The following DBR1 variants were observed in gnomAD, a reference collection of about 807,000 sequenced individuals.
The protein encoded by DBR1 is debranching RNA lariats 1.
A neutral mutation model predicts 45.9 loss-of-function variants in DBR1; 33 were observed. The ratio of observed to expected loss-of-function variants is 0.72; its 90% CI spans 0.55 to 0.96. The LOEUF (loss-of-function observed/expected upper bound fraction) is 0.96, where lower values mean the gene tolerates loss of function less well. Ranked by LOEUF, DBR1 falls within the 40% of genes least tolerant of loss-of-function variation. DBR1 has a pLI of 0.00. For missense variants in DBR1, 619 were observed against 667.4 expected (o/e 0.93, Z 0.80); for synonymous variants, 235 against 235.9 (o/e 1.00, Z 0.04).
intron 4 of DBR1, among the ~76,000 whole-genome samples, chr3:138,169,877 G>C (rs555053926): frequency 9.2e-5 from 14 of 151,994 alleles, no homozygotes; most frequent in Admixed American, 5.3e-4. Flanking sequence ...AGGTTGCAGT[G>C]AGCCGAGATC....
At chr3:138,162,781 C>T (rs1040339527) in intron 7 of DBR1, among the ~76,000 whole-genome samples, 199 bp from the exon 8 acceptor site, 2 of 152,158 alleles carry the variant, frequency 1.3e-5, no homozygotes, top group Non-Finnish European at 2.9e-5. Flanking sequence ...TTAACTCATA[C>T]TCCAAAACAA....
At position 138,161,551 on chromosome 3, in the gene DBR1, C is replaced by A. The variant is rs898536667; in HGVS notation, c.*338G>T. 8.7e-5 allele frequency: 19 copies of A among 217,310 alleles called. No homozygotes were observed. The highest frequency in any genetic ancestry group is 4.1e-4 in the African/African-American group (18 of 44,306). The allele number at this position is 217,310 out of a possible 1,614,324, so 13.5% of individuals were successfully genotyped here. A position where few individuals can be genotyped will look rare whatever the true frequency, so the allele number is the denominator to read the frequency against. On this transcript the variant is annotated 3_prime_UTR_variant, in exon 8 of 8. Coordinates refer to ENST00000260803, the MANE Select transcript of DBR1 (RefSeq NM_016216.4). ...CACATATCTACATATAATACTAAGA[C>A]AAGTAAATTGTCGGCCAGGCACAGT...
chr3:138,171,418 T>C, intron 3 of DBR1: 1 of 340,848 alleles, frequency 2.9e-6, no homozygotes. Context: ...GAGGTTGTAG[T>C]GAGCCGAGAT....
At chr3:138,167,406 G>A in intron 4 of DBR1, 101 bp from the exon 5 acceptor site, 1 of 771,034 alleles carries the variant, frequency 1.3e-6, no homozygotes, top group Non-Finnish European at 2.1e-6. Context: ...TTCACCCACT[G>A]AGATCTCTAG....
Position 138,161,759 on chromosome 3 carries a change from T to C in DBR1, c.*130A>G. The C allele has an allele frequency of 1.4e-6, 1 of 708,188 alleles. No individual in the cohort carries two copies. Among genetic ancestry groups the C allele is most frequent in the South Asian group, 1.8e-5 (1 of 55,268 alleles). 43.9% of individuals were successfully genotyped at this position (708,188 alleles called of 1,614,324 possible). A position where few individuals can be genotyped will look rare whatever the true frequency, so the allele number is the denominator to read the frequency against. On this transcript the variant is annotated 3_prime_UTR_variant, in exon 8 of 8. Transcript: ENST00000260803. ...TACTTGGGAGGCTGAGGCAGGAGAA[T>C]TGCTTGAACCTGGGAGGCGGAGGTT...
At chr3:138,163,721 T>G in intron 6 of DBR1, 57 bp downstream of exon 6, 1 of 1,266,556 alleles carries the variant, frequency 7.9e-7, no homozygotes, top group Non-Finnish European at 1.1e-6. Context: ...AAAATTATAT[T>G]TTTTTAAGTC....
chr3:138,172,170 T>A (rs2042958403), intron 2 of DBR1, among the ~76,000 whole-genome samples: 1 of 152,244 alleles, frequency 6.6e-6, no homozygotes, highest in Admixed American at 6.5e-5. Flanking sequence ...AATATTGTAA[T>A]ATAGGATGAA....
chr3:138,173,826 CA>C (rs2042966156), intron 1 of DBR1, among the ~76,000 whole-genome samples, 200 bp from the exon 2 acceptor site: 1 of 151,996 alleles, frequency 6.6e-6, no homozygotes, highest in East Asian at 1.9e-4. Context: ...CCCCTGAGGT[CA>C]GGAGTTCGAG....
chr3:138,169,039 T>C (rs1277815423), intron 4 of DBR1, among the ~76,000 whole-genome samples: 1 of 151,848 alleles, frequency 6.6e-6, no homozygotes, highest in Non-Finnish European at 1.5e-5. Context: ...AGGATTTAGA[T>C]AGGTGAAAGA....
At chr3:138,171,926 G>A (rs764066156) in intron 2 of DBR1, among the ~76,000 whole-genome samples, 1 of 152,148 alleles carries the variant, frequency 6.6e-6, no homozygotes, top group African/African-American at 2.4e-5. Context: ...GGAATTAGAT[G>A]AGCCAAAACA....
At chr3:138,172,113 T>C (rs2042958077) in intron 2 of DBR1, among the ~76,000 whole-genome samples, 1 of 152,250 alleles carries the variant, frequency 6.6e-6, no homozygotes, top group Non-Finnish European at 1.5e-5. Flanking sequence ...CTACAGCTTC[T>C]AGTTTCATTT....
In DBR1 at chr3:138,161,703, G is replaced by A. The variant is rs181557514; in HGVS notation, c.*186C>T. 2.7e-4 allele frequency: 144 copies of A among 539,596 alleles called. 1 individual carries two copies. The highest frequency in any genetic ancestry group is 1.5e-3 in the East Asian group (48 of 31,016). The allele number at this position is 539,596 out of a possible 1,614,324, so 33.4% of individuals were successfully genotyped here. ...ATTACTAAAAATGCAAAAATTAGCC[G>A]GGTGTGGTGGCGGGCACCTGTAGTC... On this transcript the variant is annotated 3_prime_UTR_variant, in exon 8 of 8. Coordinates refer to ENST00000260803, the MANE Select transcript of DBR1 (RefSeq NM_016216.4).
rs1369293077 is a variant in DBR1, at chr3:138,167,214, G to A, written c.581C>T (p.Ser194Phe). ...ATTTTCCACTTCTTGTCGGAAAAAA[G>A]ATTTAGTCTTAAGAAGTTGCTTCTT... ...GNKKQLLKTK[S>F]FFRQEVENNT... Residue 194 changes from serine (S) to phenylalanine (F), a missense_variant, in exon 5 of 8, where the codon TCT (serine) becomes TTT (phenylalanine). Coordinates refer to ENST00000260803, the MANE Select transcript of DBR1 (RefSeq NM_016216.4). The A allele has an allele frequency of 6.2e-7, 1 of 1,613,910 alleles. No individual in the cohort carries two copies. The highest frequency in any genetic ancestry group is 1.7e-5 in the Admixed American group (1 of 59,986).
In DBR1 at chr3:138,174,688, G is replaced by A; in HGVS notation, c.108C>T (p.Cys36=). 1.9e-6 allele frequency: 3 copies of A among 1,612,900 alleles called. No individual in the cohort carries two copies. Among genetic ancestry groups the A allele is most frequent in the East Asian group, 2.2e-5 (1 of 44,852 alleles). The part of the protein sequence containing the change: ...RGPGPVDLLL[C]CGDFQAVRNE... ...TGCGCACCGCCTGGAAGTCGCCGCA[G>A]CACAGCAAGAGGTCGACAGGCCCCG... The change falls in exon 1 of 8, where the codon TGC becomes TGT. Residue 36 remains cysteine (C), a synonymous_variant. Transcript: ENST00000260803.
At chr3:138,174,559 A>ACCCCCC in intron 1 of DBR1, 40 bp downstream of exon 1, 11 of 836,798 alleles carry the variant, frequency 1.3e-5, no homozygotes, top group Non-Finnish European at 2.1e-5. Flanking sequence ...ACCCAGTCCC[A>ACCCCCC]CCCCCCCACC....
intron 6 of DBR1, 37 bp from the exon 7 acceptor site, chr3:138,163,531 A>AT: frequency 7.8e-7 from 1 of 1,282,296 alleles, no homozygotes; most frequent in Non-Finnish European, 1.1e-6. Flanking sequence ...ATACATATAT[A>AT]TTTGTAACAG....
rs2042956569 is a variant in DBR1 at position 138,171,721 on chromosome 3, ATACAGT to A, written c.323-14_323-9del. ...TTACCACACCAGCCAAACCTAAACAATACAGTTAAATAAAATTACTGTAGGCAAAAG... is the reference window on the plus strand; with the variant it reads ...TTACCACACCAGCCAAACCTAAACAATAAATAAAATTACTGTAGGCAAAAG... On this transcript the variant is annotated splice_polypyrimidine_tract_variant and intron_variant, in intron 2 of 7. Coordinates refer to ENST00000260803, the MANE Select transcript of DBR1 (RefSeq NM_016216.4). The A allele has an allele frequency of 6.2e-7, 1 of 1,603,742 alleles. No homozygotes were observed. Among genetic ancestry groups the A allele is most frequent in the East Asian group, 2.2e-5 (1 of 44,784 alleles).
In DBR1 at chr3:138,174,622, A is replaced by G; in HGVS notation, c.174T>C (p.Tyr58=). The change falls in exon 1 of 8, where the codon TAT becomes TAC. Residue 58 remains tyrosine (Y), a synonymous_variant. Coordinates refer to ENST00000260803, the MANE Select transcript of DBR1 (RefSeq NM_016216.4). The part of the protein sequence containing the change: ...DLRCMAVPPK[Y]RHMQTFYRYY... ...ACCTGTAGAAGGTTTGCATGTGACG[A>G]TACTTGGGCGGCACGGCCATGCAGC... is the stretch of plus-strand genomic sequence containing the variant. The G allele has an allele frequency of 6.4e-7, 1 of 1,563,304 alleles. No individual in the cohort carries two copies. Among genetic ancestry groups the G allele is most frequent in the Non-Finnish European group, 8.7e-7 (1 of 1,149,926 alleles).
intron 7 of DBR1, among the ~76,000 whole-genome samples, chr3:138,163,076 G>T (rs2042915123): frequency 6.6e-6 from 1 of 152,148 alleles, no homozygotes; most frequent in Admixed American, 6.6e-5. Flanking sequence ...TAGGCAACAT[G>T]GGAAAGCCCC....
Sources: allele counts gnomAD v4.1 joint callset (sites outside exome capture counted in the v4.1 genomes callset), GRCh38; gene constraint gnomAD v4.1.1; transcripts MANE v1.5; gene names NCBI Gene and HGNC (gene_info 2026-07-23, HGNC 2026-07-21).